Variants in CEP250 observed in about 807,000 individuals in gnomAD.
CEP250 encodes centrosome-associated protein CEP250.
A neutral mutation model predicts 315.7 loss-of-function variants in CEP250; 242 were observed. That is an observed-to-expected ratio of 0.77 (90% CI 0.69 to 0.85). The LOEUF (loss-of-function observed/expected upper bound fraction) is 0.85. Among genes scored for constraint, CEP250 ranks in the 40% least tolerant of loss-of-function variants. The pLI, the probability that CEP250 is intolerant of heterozygous loss-of-function variation, is 0.00. For synonymous variants in CEP250, 1,088 were observed against 1,175.0 expected (o/e 0.93, Z 1.51); for missense variants, 2,515 against 2,886.4 (o/e 0.87, Z 2.95).
chr20:35,469,068 CT>C (rs2062961999), intron 9 of CEP250, among the ~76,000 whole-genome samples: 1 of 152,080 alleles, frequency 6.6e-6, no homozygotes, highest in South Asian at 2.1e-4. Flanking sequence ...ATTATTAAGA[CT>C]TTTGCTGAGT....
chr20:35,486,853 A>G (rs762381143), intron 20 of CEP250, among the ~76,000 whole-genome samples: 2 of 152,310 alleles, frequency 1.3e-5, no homozygotes, highest in Middle Eastern at 6.8e-3. Context: ...TTGAATGAAC[A>G]CTGATTCTAG....
At chr20:35,479,840 G>A (rs775531538) in intron 19 of CEP250, 67 bp downstream of exon 19, 18 of 1,610,244 alleles carry the variant, frequency 1.1e-5, no homozygotes, top group African/African-American at 2.7e-5. Context: ...GAAGATGGTG[G>A]GAGACTATTA....
In CEP250 at chr20:35,508,935, C is replaced by T; in HGVS notation, c.6907-8C>T. The T allele has an allele frequency of 6.4e-7, 1 of 1,550,994 alleles. No homozygotes were observed. The highest frequency in any genetic ancestry group is 1.2e-5 in the South Asian group (1 of 84,094). ...CCGAGCCCTGATTTCTTATTTGCAC[C>T]TTGGCAGGTGGAGCGAGAACGGAGG... On this transcript the variant is annotated splice_region_variant and splice_polypyrimidine_tract_variant and intron_variant, in intron 32 of 34. Coordinates refer to ENST00000397527, the MANE Select transcript of CEP250 (RefSeq NM_007186.6).
At chr20:35,506,882 C>T (rs1398449162) in intron 30 of CEP250, among the ~76,000 whole-genome samples, 4 of 152,152 alleles carry the variant, frequency 2.6e-5, no homozygotes, top group African/African-American at 9.7e-5. Context: ...CCCATTCTTA[C>T]AGGCACAGCA....
chr20:35,479,540 G>A, intron 18 of CEP250, 106 bp from the exon 19 acceptor site: 4 of 1,543,760 alleles, frequency 2.6e-6, no homozygotes, highest in Non-Finnish European at 3.5e-6. Context: ...ATTTATAATT[G>A]CCCCCCTAAC....
At chr20:35,472,200 C>T in intron 11 of CEP250, 49 bp downstream of exon 11, 2 of 1,081,320 alleles carry the variant, frequency 1.8e-6, no homozygotes, top group East Asian at 4.7e-5. Flanking sequence ...CCTCCACTCC[C>T]CAGGTCTCCA....
At chr20:35,500,721 A>G (rs2063979815) in intron 28 of CEP250, among the ~76,000 whole-genome samples, 1 of 152,182 alleles carries the variant, frequency 6.6e-6, no homozygotes, top group African/African-American at 2.4e-5. Flanking sequence ...GCACTGCATT[A>G]TTTACCCAGA....
chr20:35,510,385 G>A (rs1040978512), intron 34 of CEP250, among the ~76,000 whole-genome samples: 3 of 152,186 alleles, frequency 2.0e-5, no homozygotes, highest in African/African-American at 7.2e-5. Context: ...TCGCAGCCAA[G>A]ACTGTTGCCA....
In CEP250 at chr20:35,514,773, T is replaced by C. The variant is rs1316456815; in HGVS notation, c.*3147T>C. 6.6e-6 allele frequency: 1 copy of C among 152,204 alleles called. No homozygotes were observed. The highest frequency in any genetic ancestry group is 1.5e-5 in the Non-Finnish European group (1 of 68,082). The allele number at this position is 152,204 out of a possible 1,614,324, so 9.4% of individuals were successfully genotyped here. The stretch of plus-strand genomic sequence containing the variant: ...AGTGCCAAAGGCTGTCTGCGCCAGG[T>C]CTGGGGCCCCCACTGGTCATACCGC... On this transcript the variant is annotated 3_prime_UTR_variant, in exon 35 of 35. Coordinates refer to ENST00000397527, the MANE Select transcript of CEP250 (RefSeq NM_007186.6).
rs772148990 is a variant in CEP250 at position 35,493,392 on chromosome 20, G to T, written c.2890-37G>T. 6.0e-6 allele frequency: 9 copies of T among 1,492,330 alleles called. No individual in the cohort carries two copies. In the South Asian group the frequency reaches 1.2e-4, roughly 20 times the overall value. The allele number at this position is 1,492,330 out of a possible 1,614,324, so 92.4% of individuals were successfully genotyped here. A position where few individuals can be genotyped will look rare whatever the true frequency, so the allele number is the denominator to read the frequency against. Reference sequence around the variant, plus strand: ...AAAAAACCAGTATTTCTATGACACAGATTTCCTCTACTCAATGATTTCTTA... The same window carrying T: ...AAAAAACCAGTATTTCTATGACACATATTTCCTCTACTCAATGATTTCTTA... On this transcript the variant is annotated intron_variant, in intron 22 of 34. Transcript: ENST00000397527.
intron 31 of CEP250, 28 bp from the exon 32 acceptor site, chr20:35,508,007 A>G (rs1756942223): frequency 6.2e-7 from 1 of 1,613,940 alleles, no homozygotes; most frequent in African/African-American, 1.3e-5. Context: ...GGGGCTGCCC[A>G]GGTGAGATTC....
At position 35,469,874 on chromosome 20, in the gene CEP250, A is replaced by G. The variant is rs561411362; in HGVS notation, c.852-16A>G. 7 of 1,579,514 alleles carry G rather than the reference A, an allele frequency of 4.4e-6. No individual in the cohort carries two copies. The highest frequency in any genetic ancestry group is 4.5e-5 in the East Asian group (2 of 44,702). On this transcript the variant is annotated splice_polypyrimidine_tract_variant and intron_variant, in intron 9 of 34. Transcript: ENST00000397527. ...CATGGGCTGTTCTGGTGACAGTGCTATGCTCTTCTCTTTAGGGTGACCGAG... is the reference window on the plus strand; with the variant it reads ...CATGGGCTGTTCTGGTGACAGTGCTGTGCTCTTCTCTTTAGGGTGACCGAG...
rs1601333352 is a variant in CEP250 at position 35,511,995 on chromosome 20, T to C, written c.*369T>C. ...ATTCATTTTCTGCTGCTGTCTCCAC[T>C]TGTGCAGCTGGGTGGCAGCACCACA... is the stretch of plus-strand genomic sequence containing the variant. On this transcript the variant is annotated 3_prime_UTR_variant, in exon 35 of 35. Transcript: ENST00000397527. The C allele has an allele frequency of 9.5e-7, 1 of 1,050,414 alleles. No homozygotes were observed. Among genetic ancestry groups the C allele is most frequent in the African/African-American group, 1.7e-5 (1 of 59,690 alleles). 65.1% of individuals were successfully genotyped at this position (1,050,414 alleles called of 1,614,324 possible).
chr20:35,502,188 G>A (rs541896237), intron 29 of CEP250, among the ~76,000 whole-genome samples: 11 of 152,308 alleles, frequency 7.2e-5, no homozygotes, highest in Middle Eastern at 3.4e-3. Flanking sequence ...AAGGACCAGC[G>A]TCTCCCCTGG....
At position 35,511,582 on chromosome 20, in the gene CEP250, C is replaced by T. The variant is rs1329849273; in HGVS notation, c.7285C>T (p.Leu2429=). Residue 2429 remains leucine, a synonymous_variant, in exon 35 of 35, where the codon CTG becomes TTG. Transcript: ENST00000397527. ...AAGTCTGACATCCCCAGGGCCAGTC[C>T]TGCTACACCCCAGCCCCAGCACTAC... ...TQSLTSPGPV[L]LHPSPSTTQA... 2 of 1,613,456 alleles carry T rather than the reference C, an allele frequency of 1.2e-6. No homozygotes were observed. The highest frequency in any genetic ancestry group is 1.7e-5 in the Admixed American group (1 of 59,998).
At chr20:35,499,409 T>C (rs112321518) in intron 27 of CEP250, among the ~76,000 whole-genome samples, 2,687 of 152,026 alleles carry the variant, frequency 0.018, 29 homozygotes, top group Admixed American at 0.027. Flanking sequence ...AGATTTGAGG[T>C]TGGCATTTAT....
Position 35,505,008 on chromosome 20 carries a change from A to G in CEP250, c.6636+3A>G. On this transcript the variant is annotated splice_donor_region_variant and intron_variant, in intron 30 of 34. Transcript: ENST00000397527. ...ACTCAGAACAGCAAAGGCTGCAGGT[A>G]AGTCACTCCATGGGGAGTAAGGGCC... 1 of 1,596,074 alleles carries G rather than the reference A, an allele frequency of 6.3e-7. No homozygotes were observed. The highest frequency in any genetic ancestry group is 1.7e-4 in the Middle Eastern group (1 of 5,966).
intron 1 of CEP250, among the ~76,000 whole-genome samples, chr20:35,457,726 G>A (rs2062663418): frequency 6.6e-6 from 1 of 152,182 alleles, no homozygotes. Flanking sequence ...CTGAACCGGG[G>A]AGGCAGAGGT....
intron 5 of CEP250, among the ~76,000 whole-genome samples, chr20:35,464,601 A>T (rs2062829982): frequency 6.6e-6 from 1 of 152,144 alleles, no homozygotes; most frequent in Non-Finnish European, 1.5e-5. Flanking sequence ...TCTGGCCCGA[A>T]CTCACTGTTA....
Sources: allele counts gnomAD v4.1 joint callset (sites outside exome capture counted in the v4.1 genomes callset), GRCh38; gene constraint gnomAD v4.1.1; transcripts MANE v1.5; gene names NCBI Gene and HGNC (gene_info 2026-07-23, HGNC 2026-07-21).